The following CDH15 variants were observed in gnomAD, a reference collection of about 807,000 sequenced individuals.
CDH15 encodes cadherin 15, also known as cadherin-15.
In CDH15, 73 loss-of-function variants were observed where a neutral mutation model predicts 69.4. That is an observed-to-expected ratio of 1.05 (90% CI 0.87 to 1.28). The LOEUF is 1.28. CDH15 is among the 50% of genes most tolerant of loss of function. The pLI is 0.00. For synonymous variants in CDH15, 624 were observed against 507.7 expected, an observed-to-expected ratio of 1.23 and a Z score of -3.08; for missense variants, 1,343 against 1,133.6, an observed-to-expected ratio of 1.18 and a Z score of -2.65.
At chr16:89,173,197 G>A (rs938212374) in intron 1 of CDH15, among the ~76,000 whole-genome samples, 6 of 152,212 alleles carry the variant, frequency 3.9e-5, no homozygotes, top group South Asian at 4.1e-4. Flanking sequence ...GCCCTCTGCC[G>A]GGGAGCGCAG....
chr16:89,188,225 T>A lies in CDH15; in HGVS notation c.918T>A (p.Asp306Glu). ...TCACCATCCTGGAAGGCGACCCCGA[T>A]GGGCAGTTCACCATCCGCACGGACC... Reference protein sequence around the residue: ...ARFTILEGDPDGQFTIRTDPK... With the variant: ...ARFTILEGDPEGQFTIRTDPK... Residue 306 changes from aspartate (D) to glutamate (E), a missense_variant, in exon 7 of 14, where the codon GAT (aspartate) becomes GAA (glutamate). By Grantham distance (45) the Asp-to-Glu change is conservative. Transcript: ENST00000289746. 6.2e-7 allele frequency: 1 copy of A among 1,613,620 alleles called. No homozygotes were observed. The highest frequency in any genetic ancestry group is 1.1e-5 in the South Asian group (1 of 91,050).
At position 89,193,763 on chromosome 16, in the gene CDH15, CG is replaced by C; in HGVS notation, c.2002del (p.Asp668ThrfsTer11). 6.2e-7 allele frequency: 1 copy of C among 1,603,716 alleles called. No homozygotes were observed. The highest frequency in any genetic ancestry group is 8.5e-7 in the Non-Finnish European group (1 of 1,178,846). On this transcript the variant is annotated frameshift_variant, in exon 13 of 14. Coordinates refer to ENST00000289746, the MANE Select transcript of CDH15 (RefSeq NM_004933.3). LOFTEE classifies it high-confidence loss of function. ...GGGEEDQDAYDISQLRHPTAL... is the reference protein window; with the variant it reads ...GGGEEDQDAYXISQLRHPTAL... ...CACCTCCTCGCCCACAGGACGCCTA[CG>C]ACATCAGCCAGCTGCGTCACCCGAC... is the stretch of plus-strand genomic sequence containing the variant.
Position 89,192,255 on chromosome 16 carries a change from C to T in CDH15, c.1666C>T (p.Arg556Cys), listed in dbSNP as rs750253626. 3.0e-4 allele frequency: 452 copies of T among 1,530,182 alleles called. 2 individuals are homozygous for T. The highest frequency in any genetic ancestry group is 3.5e-4 in the Admixed American group (18 of 50,796). 94.8% of individuals were successfully genotyped at this position (1,530,182 alleles called of 1,614,324 possible). A position where few individuals can be genotyped will look rare whatever the true frequency, so the allele number is the denominator to read the frequency against. Residue 556 changes from arginine to cysteine, a missense_variant, in exon 11 of 14, where the codon CGC becomes TGC. Arg to Cys is a radical substitution (Grantham distance 180). Coordinates refer to ENST00000289746, the MANE Select transcript of CDH15 (RefSeq NM_004933.3). ...ACACCAGGTCCCCGAAGGCCTGCAC[C>T]GCCTCAGCCTGCTGCTCCGGGACTC... ...PRHQVPEGLH[R>C]LSLLLRDSGQ...
intron 4 of CDH15, 107 bp downstream of exon 4, chr16:89,183,799 A>G: frequency 8.3e-7 from 1 of 1,204,960 alleles, no homozygotes; most frequent in Non-Finnish European, 1.1e-6. Flanking sequence ...AGAGTCTAAA[A>G]ATAAGTAAAC....
Position 89,193,660 on chromosome 16 carries a change from C to A in CDH15, c.1992+54C>A, listed in dbSNP as rs1040113672. The A allele has an allele frequency of 8.3e-6, 13 of 1,566,672 alleles. No individual in the cohort carries two copies. The Admixed American group carries it at 1.7e-4, about 21-fold the overall frequency. ...GTCCCCAAGGAACCCAGGTCGCGGGCCTTCTTACAACAAGCTGGCCAGGAG... is the reference window on the plus strand; with the variant it reads ...GTCCCCAAGGAACCCAGGTCGCGGGACTTCTTACAACAAGCTGGCCAGGAG... On this transcript the variant is annotated intron_variant, in intron 12 of 13. Transcript: ENST00000289746.
At chr16:89,180,524 C>T (rs1407337423) in intron 3 of CDH15, among the ~76,000 whole-genome samples, 169 bp downstream of exon 3, 1 of 152,154 alleles carries the variant, frequency 6.6e-6, no homozygotes, top group Non-Finnish European at 1.5e-5. Context: ...GGACCGAGGC[C>T]CTGCAGCCGG....
intron 7 of CDH15, among the ~76,000 whole-genome samples, chr16:89,189,343 C>CCACACACAGATGCCAG (rs1567775338): frequency 8.0e-6 from 1 of 124,528 alleles, no homozygotes; most frequent in African/African-American, 2.8e-5. Flanking sequence ...ACACAGATGC[C>CCACACACAGATGCCAG]CACACACAGA....
chr16:89,191,873 T>C lies in CDH15; in HGVS notation c.1594T>C (p.Trp532Arg). The C allele has an allele frequency of 6.3e-7, 1 of 1,589,152 alleles. No homozygotes were observed. Residue 532 changes from tryptophan to arginine, a missense_variant, in exon 10 of 14, where the codon TGG (tryptophan) becomes CGG (arginine). Coordinates refer to ENST00000289746, the MANE Select transcript of CDH15 (RefSeq NM_004933.3). ...CAGGCTCCCAGAGCTCGGCCGGAAC[T>C]GGAGCCTCAGCCAGGTCAACGGTGC... is the stretch of plus-strand genomic sequence containing the variant. ...SPRLPELGRN[W>R]SLSQVNVSHA...
At chr16:89,186,600 C>T (rs78145670) in intron 5 of CDH15, among the ~76,000 whole-genome samples, 4 of 97,078 alleles carry the variant, frequency 4.1e-5, no homozygotes, top group Admixed American at 1.1e-4. Flanking sequence ...GCTCTGTAAA[C>T]GCTCACCCAG....
intron 1 of CDH15, among the ~76,000 whole-genome samples, chr16:89,177,802 C>G (rs769085522): frequency 2.0e-5 from 3 of 152,184 alleles, no homozygotes; most frequent in Non-Finnish European, 4.4e-5. Context: ...GTCCTGTCAG[C>G]TGCGGCAGCT....
intron 3 of CDH15, among the ~76,000 whole-genome samples, chr16:89,182,411 C>A (rs189872062): frequency 0.044 from 6,637 of 150,318 alleles, 276 homozygotes; most frequent in East Asian, 0.18. Flanking sequence ...GAGGCCGAGG[C>A]GAGTGGATCA....
chr16:89,193,938 G>T, intron 13 of CDH15, 25 bp downstream of exon 13: 1 of 1,609,802 alleles, frequency 6.2e-7, no homozygotes, highest in South Asian at 1.1e-5. Context: ...GGACACCCCA[G>T]TACACACAGG....
chr16:89,189,654 T>C (rs1915593794), intron 7 of CDH15, among the ~76,000 whole-genome samples: 1 of 152,226 alleles, frequency 6.6e-6, no homozygotes, highest in East Asian at 1.9e-4. Context: ...AAATCACAGC[T>C]GCACACCTGT....
rs1403167508 is a variant in CDH15, at chr16:89,195,409, C to T, written c.*254C>T. ...ACCTCCCTAGTCCCACCTTTGCCTC[C>T]TACCAGTGAACCTCATCTTTGTATG... On this transcript the variant is annotated 3_prime_UTR_variant, in exon 14 of 14. Transcript: ENST00000289746. 2.4e-5 allele frequency: 13 copies of T among 533,890 alleles called. No individual in the cohort carries two copies. The highest frequency in any genetic ancestry group is 2.3e-4 in the African/African-American group (12 of 53,030). The allele number at this position is 533,890 out of a possible 1,614,324, so 33.1% of individuals were successfully genotyped here.
At position 89,191,679 on chromosome 16, in the gene CDH15, G is replaced by A; in HGVS notation, c.1400G>A (p.Gly467Asp). The change falls in exon 10 of 14, where the codon GGC becomes GAC. Residue 467 changes from glycine to aspartate, a missense_variant. Coordinates refer to ENST00000289746, the MANE Select transcript of CDH15 (RefSeq NM_004933.3). ...GCCTCCCAGCCCCGCACCGCCACCG[G>A]CACCCTGTCCATCGAGATCCTGGAG... is the stretch of plus-strand genomic sequence containing the variant. ...DDASQPRTAT[G>D]TLSIEILEVN... The A allele has an allele frequency of 6.3e-7, 1 of 1,597,184 alleles. No homozygotes were observed. The highest frequency in any genetic ancestry group is 1.1e-5 in the South Asian group (1 of 90,064).
chr16:89,180,305 A>C lies in CDH15; in HGVS notation c.307A>C (p.Lys103Gln), dbSNP rs760631737. ...CTTCTCTATCGACAAGTTCACAGGG[A>C]AGGTCTTCCTCAATGCCATGCTGGA... ...GVFSIDKFTGKVFLNAMLDRE... is the reference protein window; with the variant it reads ...GVFSIDKFTGQVFLNAMLDRE... The change falls in exon 3 of 14, where the codon AAG (lysine) becomes CAG (glutamine). Residue 103 changes from lysine (K) to glutamine (Q), a missense_variant. Physicochemically the swap from Lys to Gln is moderately conservative, Grantham distance 53. Coordinates refer to ENST00000289746, the MANE Select transcript of CDH15 (RefSeq NM_004933.3). 1.9e-6 allele frequency: 3 copies of C among 1,612,482 alleles called. No individual in the cohort carries two copies. In the Admixed American group the frequency reaches 5.0e-5, roughly 27 times the overall value.
In CDH15 at chr16:89,190,377, G is replaced by C. The variant is rs1567775801; in HGVS notation, c.1113G>C (p.Glu371Asp). 1 of 1,612,920 alleles carries C rather than the reference G, an allele frequency of 6.2e-7. No homozygotes were observed. Among genetic ancestry groups the C allele is most frequent in the Non-Finnish European group, 8.5e-7 (1 of 1,179,992 alleles). The change falls in exon 8 of 14, where the codon GAG becomes GAC. Residue 371 changes from glutamate to aspartate, a missense_variant. By Grantham distance (45) the Glu-to-Asp change is conservative. Transcript: ENST00000289746. ...GCGTGCATGTGCAGGACACCAACGAGCCCCCCGTGTTCCAGGAGAACCCAC... is the reference window on the plus strand; with the variant it reads ...GCGTGCATGTGCAGGACACCAACGACCCCCCCGTGTTCCAGGAGAACCCAC... ...KVRVHVQDTN[E>D]PPVFQENPLR...
intron 6 of CDH15, 89 bp from the exon 7 acceptor site, chr16:89,188,011 G>T: frequency 1.1e-6 from 1 of 887,916 alleles, no homozygotes; most frequent in Admixed American, 2.4e-5. Flanking sequence ...GGGAGGGTGG[G>T]AGGGGAGGGT....
chr16:89,183,850 C>T (rs1915428604), intron 4 of CDH15, among the ~76,000 whole-genome samples, 158 bp downstream of exon 4: 1 of 152,200 alleles, frequency 6.6e-6, no homozygotes. Flanking sequence ...TCAACTCCTG[C>T]CACTTCCCAT....
Sources: gnomAD v4.1 joint callset for allele counts (sites outside exome capture counted in the v4.1 genomes callset) on GRCh38, gnomAD v4.1.1 for gene constraint, MANE v1.5 for transcripts, NCBI Gene and HGNC (gene_info 2026-07-23, HGNC 2026-07-21) for gene names.